SIAH2: variants seen among roughly 807,000 people sequenced by gnomAD.
The protein encoded by SIAH2 is E3 ubiquitin-protein ligase SIAH2.
A neutral mutation model predicts 20.4 loss-of-function variants in SIAH2; 4 were observed. The observed-to-expected ratio is 0.20, with a 90% CI of 0.10 to 0.45. The LOEUF is 0.45. Ranked by LOEUF, SIAH2 falls within the 20% of genes least tolerant of loss-of-function variation. The pLI is 0.99. For missense variants in SIAH2, 259 were observed against 440.3 expected, an observed-to-expected ratio of 0.59 and a Z score of 3.69; for synonymous variants, 171 against 192.5, an observed-to-expected ratio of 0.89 and a Z score of 0.93.
intron 1 of SIAH2, among the ~76,000 whole-genome samples, chr3:150,755,121 G>C (rs1406968066): frequency 1.3e-5 from 2 of 152,014 alleles, no homozygotes; most frequent in Non-Finnish European, 2.9e-5. Flanking sequence ...GAGGCTTGGA[G>C]AGGTCACCAG....
At chr3:150,745,162 T>C (rs912130771) in intron 1 of SIAH2, among the ~76,000 whole-genome samples, 1 of 152,020 alleles carries the variant, frequency 6.6e-6, no homozygotes, top group Non-Finnish European at 1.5e-5. Context: ...CCCTTCTCTT[T>C]CCATCATGGG....
Position 150,742,993 on chromosome 3 carries a change from A to G in SIAH2, c.418-295T>C, listed in dbSNP as rs1228603290. On this transcript the variant is annotated intron_variant, in intron 1 of 1. Coordinates refer to ENST00000312960, the MANE Select transcript of SIAH2 (RefSeq NM_005067.7). This position sits in a 1 kb window ranked among gnomAD's most constrained non-coding sequence, Gnocchi z 4.8. ...GTTCTCTTACTGTGCACATCTCAAAATTGTTGAGCAAGCCCTATAAAAGCT... is the reference window on the plus strand; with the variant it reads ...GTTCTCTTACTGTGCACATCTCAAAGTTGTTGAGCAAGCCCTATAAAAGCT... 1.3e-5 allele frequency among the ~76,000 whole-genome samples: 2 copies of G among 152,176 alleles called. No individual in the cohort carries two copies. Among genetic ancestry groups the G allele is most frequent in the Admixed American group, 1.3e-4 (2 of 15,276 alleles).
chr3:150,752,903 A>G (rs944409593), intron 1 of SIAH2, among the ~76,000 whole-genome samples: 2 of 152,200 alleles, frequency 1.3e-5, no homozygotes, highest in Non-Finnish European at 2.9e-5. Flanking sequence ...AAGACACTGT[A>G]TATGTAATTA....
intron 1 of SIAH2, among the ~76,000 whole-genome samples, chr3:150,747,083 A>G (rs1373091338): frequency 3.9e-5 from 6 of 152,258 alleles, no homozygotes. Flanking sequence ...GAGTCAAAGA[A>G]TCAATATTTT....
At chr3:150,751,425 T>G (rs1576581951) in intron 1 of SIAH2, among the ~76,000 whole-genome samples, 2 of 137,402 alleles carry the variant, frequency 1.5e-5, no homozygotes, top group Admixed American at 1.4e-4. Flanking sequence ...CTCTGTCTCT[T>G]AAGAAAAAAA....
intron 1 of SIAH2, among the ~76,000 whole-genome samples, chr3:150,746,420 A>G (rs190628777): frequency 6.6e-6 from 1 of 152,078 alleles, no homozygotes; most frequent in Admixed American, 6.5e-5. Flanking sequence ...CAAACAAACA[A>G]ACAACCTAAA....
At chr3:150,752,170 C>T (rs1422677946) in intron 1 of SIAH2, among the ~76,000 whole-genome samples, 1 of 152,144 alleles carries the variant, frequency 6.6e-6, no homozygotes, top group African/African-American at 2.4e-5. Context: ...TTCAGTATGC[C>T]CTCACTCTTC....
Position 150,742,378 on chromosome 3 carries a change from A to C in SIAH2, c.738T>G (p.Phe246Leu), listed in dbSNP as rs1714114282. Residue 246 changes from phenylalanine (F) to leucine (L), a missense_variant, in exon 2 of 2, where the codon TTT becomes TTG. Coordinates refer to ENST00000312960, the MANE Select transcript of SIAH2 (RefSeq NM_005067.7). The surrounding 1 kb of genome is among the most constrained non-coding windows in gnomAD (Gnocchi z 4.8). ...GGGTGCCAATGAGCAGGACGATGGCAAAAAACTGCTGGTGGCCTTCGTACT... is the reference window on the plus strand; with the variant it reads ...GGGTGCCAATGAGCAGGACGATGGCCAAAAACTGCTGGTGGCCTTCGTACT... Reference protein sequence around the residue: ...QEKYEGHQQFFAIVLLIGTRK... With the variant: ...QEKYEGHQQFLAIVLLIGTRK... The C allele has an allele frequency of 6.2e-7, 1 of 1,614,162 alleles. No homozygotes were observed. The highest frequency in any genetic ancestry group is 8.5e-7 in the Non-Finnish European group (1 of 1,180,010).
At chr3:150,759,293 T>C (rs529995639) in intron 1 of SIAH2, among the ~76,000 whole-genome samples, 4 of 152,300 alleles carry the variant, frequency 2.6e-5, no homozygotes, top group African/African-American at 7.2e-5. Flanking sequence ...ATACATCCAT[T>C]TTTTTGCCAA....
At chr3:150,752,942 T>C (rs559771200) in intron 1 of SIAH2, among the ~76,000 whole-genome samples, 12 of 152,318 alleles carry the variant, frequency 7.9e-5, no homozygotes, top group Non-Finnish European at 7.4e-5. Flanking sequence ...GCCCCCAAAC[T>C]TAAAAACTGC....
rs912185631 is a variant in SIAH2 at position 150,741,403 on chromosome 3, G to A, written c.*738C>T. ...GGCAATCCACCCAAAACATAGGTGA[G>A]TGGCCAAATCTCAGGCGTGCGTTCA... On this transcript the variant is annotated 3_prime_UTR_variant, in exon 2 of 2. Transcript: ENST00000312960. 3.3e-5 allele frequency: 5 copies of A among 152,648 alleles called. 1 individual carries two copies. The South Asian group carries it at 8.3e-4, about 25-fold the overall frequency. 9.5% of individuals were successfully genotyped at this position (152,648 alleles called of 1,614,324 possible). A position where few individuals can be genotyped will look rare whatever the true frequency, so the allele number is the denominator to read the frequency against.
intron 1 of SIAH2, among the ~76,000 whole-genome samples, chr3:150,749,089 A>G (rs969255273): frequency 6.6e-6 from 1 of 152,266 alleles, no homozygotes; most frequent in Non-Finnish European, 1.5e-5. Flanking sequence ...CAAAGACAGC[A>G]CAAATGATAA....
chr3:150,744,680 G>A (rs560572292), intron 1 of SIAH2, among the ~76,000 whole-genome samples: 51 of 152,098 alleles, frequency 3.4e-4, no homozygotes, highest in African/African-American at 1.1e-3. Context: ...GCAGAGTCTC[G>A]AAACAAGCTC....
chr3:150,744,367 CTT>C (rs1714165302), intron 1 of SIAH2, among the ~76,000 whole-genome samples: 1 of 152,194 alleles, frequency 6.6e-6, no homozygotes, highest in South Asian at 2.1e-4. Context: ...ATTTCAGTTA[CTT>C]ATTTGCCCAT....
intron 1 of SIAH2, among the ~76,000 whole-genome samples, chr3:150,743,524 GGTCAGGTAT>G (rs551094405): frequency 6.6e-6 from 1 of 152,130 alleles, no homozygotes; most frequent in Non-Finnish European, 1.5e-5. Flanking sequence ...ATCATTTCAT[GGTCAGGTAT>G]GTCAGGTCCT....
chr3:150,754,765 A>G (rs374999226), intron 1 of SIAH2, among the ~76,000 whole-genome samples: 1 of 152,232 alleles, frequency 6.6e-6, no homozygotes, highest in Non-Finnish European at 1.5e-5. Flanking sequence ...TACACAAAAT[A>G]TAATACATAT....
At chr3:150,754,648 G>T (rs1263870379) in intron 1 of SIAH2, among the ~76,000 whole-genome samples, 1 of 152,076 alleles carries the variant, frequency 6.6e-6, no homozygotes, top group African/African-American at 2.4e-5. Flanking sequence ...TGGTATAGTG[G>T]TTATCTTTAG....
intron 1 of SIAH2, among the ~76,000 whole-genome samples, chr3:150,745,051 A>G (rs1714177660): frequency 6.6e-6 from 1 of 152,110 alleles, no homozygotes; most frequent in African/African-American, 2.4e-5. Context: ...TTTTTTCATA[A>G]GGATCTTGCT....
chr3:150,759,935 C>T (rs1246239929), intron 1 of SIAH2, among the ~76,000 whole-genome samples: 1 of 152,124 alleles, frequency 6.6e-6, no homozygotes, highest in Non-Finnish European at 1.5e-5. Context: ...CTTTATTCAA[C>T]GTTGGTTTTT....
Sources: allele counts gnomAD v4.1 joint callset (sites outside exome capture counted in the v4.1 genomes callset), GRCh38; gene constraint gnomAD v4.1.1; non-coding constraint Gnocchi (gnomAD v3.1); transcripts MANE v1.5; gene names NCBI Gene and HGNC (gene_info 2026-07-23, HGNC 2026-07-21).